The following VPS8 variants were observed in gnomAD, a reference collection of about 807,000 sequenced individuals.
VPS8 encodes VPS8 subunit of CORVET complex.
VPS8 carries 129 observed loss-of-function variants against 216.4 expected under a neutral mutation model. The ratio of observed to expected loss-of-function variants is 0.60; its 90% CI spans 0.52 to 0.69. The LOEUF is 0.69. Among genes scored for constraint, VPS8 ranks in the 30% least tolerant of loss-of-function variants. The pLI is 0.00. For missense variants in VPS8, 1,531 were observed against 1,683.5 expected, an observed-to-expected ratio of 0.91 and a Z score of 1.59; for synonymous variants, 571 against 565.4, an observed-to-expected ratio of 1.01 and a Z score of -0.14.
intron 44 of VPS8, among the ~76,000 whole-genome samples, chr3:184,998,453 C>T (rs1393156148): frequency 5.0e-5 from 3 of 60,344 alleles, no homozygotes; most frequent in Admixed American, 1.9e-4. Context: ...AAGGTAGCTA[C>T]AACAACAGAG....
intron 46 of VPS8, among the ~76,000 whole-genome samples, chr3:185,025,621 C>T (rs936385163): frequency 3.3e-5 from 5 of 152,164 alleles, no homozygotes; most frequent in African/African-American, 9.7e-5. Flanking sequence ...TAGGGGCAGG[C>T]GAGACTGAGG....
chr3:184,974,692 C>G (rs1383450060), intron 40 of VPS8, among the ~76,000 whole-genome samples: 2 of 151,954 alleles, frequency 1.3e-5, no homozygotes, highest in East Asian at 3.8e-4. Context: ...TGCATGTGGG[C>G]TTTACATTTA....
chr3:184,924,489 CT>C (rs1739208615), intron 29 of VPS8, among the ~76,000 whole-genome samples: 1 of 151,508 alleles, frequency 6.6e-6, no homozygotes, highest in Non-Finnish European at 1.5e-5. Context: ...TGCACTCGAG[CT>C]TGGGCAACAG....
At chr3:185,014,700 C>T (rs1397008291) in intron 45 of VPS8, among the ~76,000 whole-genome samples, 4 of 152,118 alleles carry the variant, frequency 2.6e-5, no homozygotes, top group African/African-American at 9.7e-5. Flanking sequence ...TTTCTCCCCC[C>T]TTTTTTGTTT....
intron 45 of VPS8, among the ~76,000 whole-genome samples, chr3:185,023,581 C>T (rs1756944902): frequency 6.6e-6 from 1 of 152,106 alleles, no homozygotes; most frequent in South Asian, 2.1e-4. Flanking sequence ...ATCACTGAAC[C>T]TGGGAGGCGG....
chr3:185,038,759 C>T (rs1759239166), intron 46 of VPS8, among the ~76,000 whole-genome samples: 1 of 152,186 alleles, frequency 6.6e-6, no homozygotes, highest in Non-Finnish European at 1.5e-5. Context: ...ATGTCATCCC[C>T]CAGTCTAGTT....
chr3:184,842,067 CCTTT>C (rs1479085580), intron 7 of VPS8, among the ~76,000 whole-genome samples: 5 of 151,372 alleles, frequency 3.3e-5, no homozygotes, highest in Non-Finnish European at 5.9e-5. Context: ...CTTTAACATC[CCTTT>C]CTTGTCAATG....
chr3:185,013,187 G>T (rs1309030311), intron 45 of VPS8, among the ~76,000 whole-genome samples: 4 of 152,172 alleles, frequency 2.6e-5, no homozygotes, highest in Non-Finnish European at 5.9e-5. Context: ...TCCAGTGTGG[G>T]CGTCATGGCC....
chr3:184,942,511 C>G (rs12630051), intron 36 of VPS8, among the ~76,000 whole-genome samples: 146,301 of 152,240 alleles, frequency 0.96, 70,566 homozygotes, highest in East Asian at 1. Context: ...ACCTCACTCT[C>G]ACAGCCAAAT....
chr3:184,840,994 A>G lies in VPS8; in HGVS notation c.535+1242A>G, dbSNP rs1005016787. 3.9e-5 allele frequency among the ~76,000 whole-genome samples: 6 copies of G among 152,210 alleles called. No homozygotes were observed. The South Asian group carries it at 1.2e-3, about 32-fold the overall frequency. ...TGAATGATTTGGCTTACTATTATAA[A>G]TTTTGTATTATGACAAAAGCTTTTT... On this transcript the variant is annotated intron_variant, in intron 7 of 47. Transcript: ENST00000625842.
rs118137792 is a variant in VPS8, at chr3:184,869,376, A to G, written c.1598-106A>G. 486 of 1,178,806 alleles carry G rather than the reference A, an allele frequency of 4.1e-4. 2 individuals are homozygous for G. The East Asian group carries it at 9.4e-3, about 23-fold the overall frequency. 73.0% of individuals were successfully genotyped at this position (1,178,806 alleles called of 1,614,324 possible). A position where few individuals can be genotyped will look rare whatever the true frequency, so the allele number is the denominator to read the frequency against. ...ATTTTGATAGCTAAGAATTGTTACA[A>G]TTATACCTGTTGTTTCACATCTTAT... On this transcript the variant is annotated intron_variant, in intron 19 of 47. Coordinates refer to ENST00000625842, the MANE Select transcript of VPS8 (RefSeq NM_001009921.3).
intron 45 of VPS8, among the ~76,000 whole-genome samples, chr3:185,017,920 T>C (rs1234614243): frequency 6.7e-6 from 1 of 150,302 alleles, no homozygotes; most frequent in Non-Finnish European, 1.5e-5. Context: ...TTTCCTTTTT[T>C]ACATTTTGGA....
intron 17 of VPS8, 92 bp downstream of exon 17, chr3:184,867,042 A>C (rs1727488158): frequency 8.6e-7 from 1 of 1,158,634 alleles, no homozygotes; most frequent in East Asian, 2.4e-5. Context: ...GTATATTGCA[A>C]AGTGAATATT....
chr3:184,854,314 G>A, intron 13 of VPS8, 141 bp downstream of exon 13: 1 of 909,262 alleles, frequency 1.1e-6, no homozygotes, highest in Non-Finnish European at 1.7e-6. Flanking sequence ...ATCGTTGGCT[G>A]GACTTGCCTT....
At chr3:184,918,771 T>G (rs1271418743) in intron 28 of VPS8, among the ~76,000 whole-genome samples, 1 of 152,240 alleles carries the variant, frequency 6.6e-6, no homozygotes, top group Non-Finnish European at 1.5e-5. Context: ...CCTTTGTACC[T>G]GCAGAGTATC....
chr3:184,975,456 CTT>C lies in VPS8; in HGVS notation c.3420+3706_3420+3707del, dbSNP rs537050983. ...AGTTCTAACAGTTTCTTGGTGGAGT[CTT>C]TAGGTTTTCATATCTATGAGATAAT... On this transcript the variant is annotated intron_variant, in intron 40 of 47. Transcript: ENST00000625842. 9.2e-5 allele frequency among the ~76,000 whole-genome samples: 14 copies of C among 151,880 alleles called. No homozygotes were observed. The South Asian group carries it at 2.7e-3, about 29-fold the overall frequency.
Position 184,866,734 on chromosome 3 carries a change from C to T in VPS8, c.1396-142C>T, listed in dbSNP as rs538690452. ...ATGCCAAATATTATTTAAATGTAGA[C>T]TGAGATAAGTTACACATTGTAAACT... On this transcript the variant is annotated intron_variant, in intron 16 of 47. Transcript: ENST00000625842. The T allele has an allele frequency of 3.0e-5, 21 of 711,672 alleles. No homozygotes were observed. In the South Asian group the frequency reaches 4.0e-4, roughly 13 times the overall value. The allele number at this position is 711,672 out of a possible 1,614,324, so 44.1% of individuals were successfully genotyped here.
chr3:184,846,210 T>C (rs562195178), intron 8 of VPS8, among the ~76,000 whole-genome samples: 3 of 152,250 alleles, frequency 2.0e-5, no homozygotes, highest in African/African-American at 2.4e-5. Flanking sequence ...ACAACAAATA[T>C]ATTGTAAAAA....
chr3:185,037,466 T>C (rs1759075466), intron 46 of VPS8, among the ~76,000 whole-genome samples: 1 of 152,206 alleles, frequency 6.6e-6, no homozygotes, highest in South Asian at 2.1e-4. Context: ...GTTTTCATCC[T>C]ACTTAGAATT....
Sources: gnomAD v4.1 joint callset for allele counts (sites outside exome capture counted in the v4.1 genomes callset) on GRCh38, gnomAD v4.1.1 for gene constraint, MANE v1.5 for transcripts, NCBI Gene and HGNC (gene_info 2026-07-23, HGNC 2026-07-21) for gene names.